The following ZNF239 variants were observed in gnomAD, a reference collection of about 807,000 sequenced individuals.
ZNF239 encodes zinc finger protein (C2H2) homologous to mouse MOK-2.
In ZNF239, 16 loss-of-function variants were observed where a neutral mutation model predicts 27.5. The observed-to-expected ratio is 0.58, with a 90% CI of 0.39 to 0.88. The LOEUF (loss-of-function observed/expected upper bound fraction) is 0.88, where lower values mean the gene tolerates loss of function less well. ZNF239 is among the 40% of genes least tolerant of loss of function. The pLI is 0.00. For synonymous variants in ZNF239, 199 were observed against 192.6 expected (o/e 1.03, Z -0.27); for missense variants, 527 against 551.9 (o/e 0.95, Z 0.45).
chr10:43,571,702 C>T (rs1838048863), intron 2 of ZNF239, among the ~76,000 whole-genome samples: 3 of 152,064 alleles, frequency 2.0e-5, no homozygotes, highest in African/African-American at 2.4e-5. Flanking sequence ...GGGATTACAA[C>T]AGGCATCAAC....
chr10:43,573,125 T>C (rs2132317487), intron 2 of ZNF239, among the ~76,000 whole-genome samples: 1 of 152,336 alleles, frequency 6.6e-6, no homozygotes, highest in South Asian at 2.1e-4. Flanking sequence ...TAGAGTGATT[T>C]TGTAACCACT....
chr10:43,571,618 G>A (rs1007304310), intron 2 of ZNF239, among the ~76,000 whole-genome samples: 12 of 152,084 alleles, frequency 7.9e-5, no homozygotes, highest in African/African-American at 2.7e-4. Flanking sequence ...GAGTGCAGTG[G>A]CATGATCTCA....
At chr10:43,560,627 A>G (rs1485417978) in intron 3 of ZNF239, among the ~76,000 whole-genome samples, 1 of 128,286 alleles carries the variant, frequency 7.8e-6, no homozygotes, top group Non-Finnish European at 1.6e-5. Flanking sequence ...AACCTCAGCT[A>G]GCTCTGCCAA....
In ZNF239 at chr10:43,568,878, C is replaced by G. The variant is rs549329544; in HGVS notation, c.-215-857G>C. 3.9e-5 allele frequency among the ~76,000 whole-genome samples: 6 copies of G among 152,198 alleles called. No individual in the cohort carries two copies. The South Asian group carries it at 6.2e-4, about 16-fold the overall frequency. On this transcript the variant is annotated intron_variant, in intron 2 of 3. Transcript: ENST00000374446. ...CAGCCTGGCCAACATGGTGAAACCT[C>G]GTCTCTACTGAAAATACAAAAATTA...
chr10:43,558,914 T>G (rs1194783262), intron 3 of ZNF239, among the ~76,000 whole-genome samples: 1 of 151,896 alleles, frequency 6.6e-6, no homozygotes, highest in Non-Finnish European at 1.5e-5. Flanking sequence ...GATGAATGTA[T>G]AGTACAATAC....
rs1836911235 is a variant in ZNF239 at position 43,557,870 on chromosome 10, G to A, written c.210C>T (p.Ser70=). 6.2e-7 allele frequency: 1 copy of A among 1,614,008 alleles called. No homozygotes were observed. Among genetic ancestry groups the A allele is most frequent in the Admixed American group, 1.7e-5 (1 of 59,996 alleles). ...CTGAAGAGTCTTGTGTGTCTATTTG[G>A]CTTGAGACTTTCAAAGGCAAATATG... ...SETYLPLKVS[S]QIDTQDSSVK... The change falls in exon 4 of 4, where the codon AGC becomes AGT. Residue 70 remains serine, a synonymous_variant. Coordinates refer to ENST00000374446, the MANE Select transcript of ZNF239 (RefSeq NM_001099282.2).
intron 3 of ZNF239, among the ~76,000 whole-genome samples, chr10:43,565,949 C>A (rs1837619594): frequency 6.7e-6 from 1 of 150,110 alleles, no homozygotes; most frequent in East Asian, 2.0e-4. Context: ...AAGAGAAGGT[C>A]AACACTATAG....
At chr10:43,558,251 G>T in intron 3 of ZNF239, 80 bp from the exon 4 acceptor site, 1 of 1,325,508 alleles carries the variant, frequency 7.5e-7, no homozygotes, top group Non-Finnish European at 1.0e-6. Context: ...AAGGCCTGAA[G>T]TCTTAGTAAC....
chr10:43,557,101 T>G lies in ZNF239; in HGVS notation c.979A>C (p.Ser327Arg). The change falls in exon 4 of 4, where the codon AGC becomes CGC. Residue 327 changes from serine to arginine, a missense_variant. Ser to Arg is a moderately radical substitution (Grantham distance 110). Coordinates refer to ENST00000374446, the MANE Select transcript of ZNF239 (RefSeq NM_001099282.2). The part of the protein sequence containing the change: ...KPYECEECGM[S>R]FSQRSNLHIH... ...TGCAGGTTTGAGCGCTGACTGAAGC[T>G]CATACCACACTCCTCACACTCATAG... 6.2e-7 allele frequency: 1 copy of G among 1,606,512 alleles called. No individual in the cohort carries two copies. Among genetic ancestry groups the G allele is most frequent in the Non-Finnish European group, 8.5e-7 (1 of 1,177,736 alleles).
intron 3 of ZNF239, among the ~76,000 whole-genome samples, chr10:43,567,042 C>T (rs773401476): frequency 2.0e-5 from 3 of 151,920 alleles, no homozygotes; most frequent in Admixed American, 6.5e-5. Flanking sequence ...TGCAGTGAGC[C>T]GAGATCGTGC....
intron 3 of ZNF239, among the ~76,000 whole-genome samples, chr10:43,561,517 T>C (rs1837249282): frequency 6.6e-6 from 1 of 152,154 alleles, no homozygotes; most frequent in Non-Finnish European, 1.5e-5. Context: ...AATTATAATT[T>C]TTACCCAGCC....
At position 43,562,570 on chromosome 10, in the gene ZNF239, A is replaced by G. The variant is rs186802283; in HGVS notation, c.-92-4399T>C. ...GTTTACATGAGAGAGAAAAATAACAATATGTAAACATATTGTCTGGAGTAG... is the reference window on the plus strand; with the variant it reads ...GTTTACATGAGAGAGAAAAATAACAGTATGTAAACATATTGTCTGGAGTAG... On this transcript the variant is annotated intron_variant, in intron 3 of 3. Coordinates refer to ENST00000374446, the MANE Select transcript of ZNF239 (RefSeq NM_001099282.2). Among the ~76,000 whole-genome samples the G allele has an allele frequency of 1.2e-3, 184 of 152,338 alleles. 1 individual carries two copies. Among genetic ancestry groups the G allele is most frequent in the African/African-American group, 4.1e-3 (169 of 41,574 alleles).
intron 2 of ZNF239, among the ~76,000 whole-genome samples, chr10:43,573,365 G>A (rs532075861): frequency 1.5e-4 from 23 of 152,352 alleles, no homozygotes; most frequent in African/African-American, 4.8e-4. Context: ...ATGTCTGGCA[G>A]GAAAAGGCAG....
intron 3 of ZNF239, among the ~76,000 whole-genome samples, chr10:43,566,662 T>C (rs1837669956): frequency 6.6e-6 from 1 of 152,240 alleles, no homozygotes; most frequent in African/African-American, 2.4e-5. Flanking sequence ...CTAGTAGGTA[T>C]ACATTCATTT....
intron 2 of ZNF239, 108 bp from the exon 3 acceptor site, chr10:43,568,129 GT>G (rs1206576795): frequency 1.0e-6 from 1 of 985,486 alleles, no homozygotes; most frequent in African/African-American, 1.7e-5. Context: ...TATAGAAGAA[GT>G]TTGCAGCTCA....
chr10:43,570,629 T>C (rs1272382200), intron 2 of ZNF239: 43 of 984,184 alleles, frequency 4.4e-5, no homozygotes, highest in Non-Finnish European at 5.1e-5. Flanking sequence ...ACCTCAACAA[T>C]ATTCAAACCA....
chr10:43,571,577 GAAAC>G (rs1838039788), intron 2 of ZNF239, among the ~76,000 whole-genome samples: 1 of 152,006 alleles, frequency 6.6e-6, no homozygotes, highest in Non-Finnish European at 1.5e-5. Context: ...TTTGTTGTTT[GAAAC>G]AGAGTCTCAC....
rs1836921765 is a variant in ZNF239 at position 43,557,948 on chromosome 10, CCT to C, written c.130_131del (p.Arg44GlyfsTer15). Reference sequence around the variant, plus strand: ...CACTTTGAAGAGTCATCACACTGTCCCTGTTTCTGGAAATAGGAGAAGATGCT... The same window carrying C: ...CACTTTGAAGAGTCATCACACTGTCCGTTTCTGGAAATAGGAGAAGATGCT... ...GEASSPISRN[R>X]DSVMTLQSGC... is the part of the protein sequence containing the mutation. On this transcript the variant is annotated frameshift_variant, in exon 4 of 4. Transcript: ENST00000374446. LOFTEE classifies it low-confidence loss of function (END_TRUNC). 1.2e-6 allele frequency: 2 copies of C among 1,614,122 alleles called. No individual in the cohort carries two copies. The highest frequency in any genetic ancestry group is 1.1e-5 in the South Asian group (1 of 91,084).
Position 43,557,443 on chromosome 10 carries a change from C to T in ZNF239, c.637G>A (p.Gly213Ser), listed in dbSNP as rs769679866. 6.8e-6 allele frequency: 11 copies of T among 1,614,098 alleles called. No individual in the cohort carries two copies. Among genetic ancestry groups the T allele is most frequent in the Non-Finnish European group, 9.3e-6 (11 of 1,179,982 alleles). ...AEKQYECSQC[G>S]KNFSQSSELL... ...TCTGAGCTTTGACTGAAGTTCTTAC[C>T]ACACTGACTACATTCGTATTGTTTC... Residue 213 changes from glycine to serine, a missense_variant, in exon 4 of 4, where the codon GGT becomes AGT. Gly to Ser is a moderately conservative substitution (Grantham distance 56, BLOSUM62 0). Transcript: ENST00000374446.
Sources: allele counts gnomAD v4.1 joint callset (sites outside exome capture counted in the v4.1 genomes callset), GRCh38; gene constraint gnomAD v4.1.1; transcripts MANE v1.5; gene names NCBI Gene and HGNC (gene_info 2026-07-23, HGNC 2026-07-21).